The following EIF3CL variants were observed in gnomAD, a reference collection of about 807,000 sequenced individuals.
The protein encoded by EIF3CL is eukaryotic translation initiation factor 3 subunit C like.
For synonymous variants in EIF3CL, 2 were observed against 19.6 expected (o/e 0.10, Z 2.37); for missense variants, 5 against 56.1 (o/e 0.09, Z 2.91).
the EIF3CL span, among the ~76,000 whole-genome samples, chr16:28,417,203 C>G: frequency 1.9e-4 from 28 of 147,690 alleles, no homozygotes; most frequent in African/African-American, 6.9e-4. Flanking sequence ...GGGGGGTCAG[C>G]CCCCCTGCCC....
the EIF3CL span, among the ~76,000 whole-genome samples, chr16:28,416,924 G>T: frequency 9.8e-6 from 1 of 102,400 alleles, no homozygotes; most frequent in African/African-American, 3.6e-5. Flanking sequence ...CGCCCCGTCT[G>T]GGAGGTGAGG....
chr16:28,417,301 C>T, the EIF3CL span, among the ~76,000 whole-genome samples: 1 of 148,430 alleles, frequency 6.7e-6, no homozygotes, highest in East Asian at 2.0e-4. Context: ...CGGCCACCAC[C>T]CCGTCTGGGA....
intron 15 of EIF3CL, among the ~76,000 whole-genome samples, chr16:28,384,211 C>T (rs1188325001): frequency 7.0e-4 from 17 of 24,440 alleles, no homozygotes; most frequent in African/African-American, 1.6e-3. Flanking sequence ...TGGAGTGCAG[C>T]GGTGTGATAT....
At chr16:28,417,114 G>A in the EIF3CL span, among the ~76,000 whole-genome samples, 11 of 125,858 alleles carry the variant, frequency 8.7e-5, no homozygotes, top group East Asian at 4.8e-4. Flanking sequence ...CCCTCTGCCC[G>A]GCCAGCCGCC....
At chr16:28,417,216 C>T in the EIF3CL span, among the ~76,000 whole-genome samples, 84 of 148,942 alleles carry the variant, frequency 5.6e-4, no homozygotes, top group African/African-American at 2.0e-3. Flanking sequence ...CCCTGCCCGG[C>T]GAGCCGCCCC....
chr16:28,415,758 A>G, the EIF3CL span, among the ~76,000 whole-genome samples: 1 of 137,576 alleles, frequency 7.3e-6, no homozygotes, highest in African/African-American at 2.8e-5. Context: ...TCCAAAAAAA[A>G]AAAGTTGGAG....
the EIF3CL span, chr16:28,414,415 G>A: frequency 1.9e-4 from 63 of 323,730 alleles, 8 homozygotes; most frequent in Middle Eastern, 2.1e-3. Context: ...AAGAAAAGAC[G>A]GCTTTAGCAG....
At chr16:28,423,819 A>T in the EIF3CL span, among the ~76,000 whole-genome samples, 16 of 96,294 alleles carry the variant, frequency 1.7e-4, 1 homozygote, top group South Asian at 2.8e-4. Context: ...TATATATATT[A>T]TATATATATA....
At chr16:28,408,231 AAAAAAAGG>A (rs2045688193), upstream of EIF3CL, among the ~76,000 whole-genome samples, 2 of 134,380 alleles carry the variant, frequency 1.5e-5, no homozygotes, top group South Asian at 4.6e-4. Context: ...AAAAAAAAAA[AAAAAAAGG>A]GAAAGAAAAC....
At chr16:28,410,588 A>AT in the EIF3CL span, among the ~76,000 whole-genome samples, 45 of 120,602 alleles carry the variant, frequency 3.7e-4, 1 homozygote, top group Middle Eastern at 7.7e-3. Flanking sequence ...CTGTTTTTTG[A>AT]TTTTTTTTTA....
the EIF3CL span, among the ~76,000 whole-genome samples, chr16:28,416,922 C>T: frequency 1.2e-4 from 12 of 96,036 alleles, no homozygotes; most frequent in African/African-American, 4.3e-4. Context: ...GCCGCCCCGT[C>T]TGGGAGGTGA....
At chr16:28,417,735 A>G in the EIF3CL span, among the ~76,000 whole-genome samples, 2 of 129,846 alleles carry the variant, frequency 1.5e-5, no homozygotes, top group African/African-American at 2.7e-5. Flanking sequence ...TCACTTGTTT[A>G]TCTGCTGACC....
At chr16:28,408,413 G>A (rs1461829196), upstream of EIF3CL, among the ~76,000 whole-genome samples, 5 of 12,980 alleles carry the variant, frequency 3.9e-4, no homozygotes, top group African/African-American at 2.7e-4. Flanking sequence ...GAAGAGCTTT[G>A]ATCAGTCTGG....
At chr16:28,415,824 C>A in the EIF3CL span, among the ~76,000 whole-genome samples, 2 of 97,198 alleles carry the variant, frequency 2.1e-5, no homozygotes, top group Admixed American at 1.2e-4. Flanking sequence ...CTTCCTCTCC[C>A]TCTCCCTCTC....
the EIF3CL span, among the ~76,000 whole-genome samples, chr16:28,415,725 G>C: frequency 1.5e-5 from 2 of 135,312 alleles, no homozygotes; most frequent in South Asian, 2.2e-4. Flanking sequence ...ACTCCAGTCT[G>C]AGCAACAGAG....
At chr16:28,415,887 C>T in the EIF3CL span, among the ~76,000 whole-genome samples, 3 of 105,018 alleles carry the variant, frequency 2.9e-5, no homozygotes, top group African/African-American at 1.1e-4. Flanking sequence ...CCTCTCCCCA[C>T]GGTCTCCCTC....
chr16:28,417,911 C>T, the EIF3CL span, among the ~76,000 whole-genome samples: 34 of 125,564 alleles, frequency 2.7e-4, no homozygotes, highest in Admixed American at 1.2e-3. Flanking sequence ...GGCGTGGTGG[C>T]GCATGCCTGT....
the EIF3CL span, among the ~76,000 whole-genome samples, chr16:28,417,334 GA>G: frequency 6.9e-6 from 1 of 145,174 alleles, no homozygotes; most frequent in East Asian, 2.0e-4. Context: ...AGCTCATTGA[GA>G]ACGGGCCAGG....
In EIF3CL at chr16:28,386,759, C is replaced by T. The variant is rs1365158561; in HGVS notation, c.1821+1299G>A. On this transcript the variant is annotated intron_variant, in intron 15 of 20. Transcript: ENST00000380876. ...CAGAGCGAGACTCTGTCTCAAAACA[C>T]ACACACACACACACACACACACCCC... Among the ~76,000 whole-genome samples, 6 of 77,920 alleles carry T rather than the reference C, an allele frequency of 7.7e-5. 1 individual carries two copies. The South Asian group carries it at 1.0e-3, about 14-fold the overall frequency. 51.1% of individuals were successfully genotyped at this position (77,920 alleles called of 152,430 possible).
Sources: gnomAD v4.1 joint callset for allele counts (sites outside exome capture counted in the v4.1 genomes callset) on GRCh38, gnomAD v4.1.1 for gene constraint, MANE v1.5 for transcripts, NCBI Gene and HGNC (gene_info 2026-07-23, HGNC 2026-07-21) for gene names.